The following CASP9 variants were observed in gnomAD, a reference collection of about 807,000 sequenced individuals.
The protein encoded by CASP9 is caspase-9.
CASP9 carries 29 observed loss-of-function variants against 43.5 expected under a neutral mutation model. The observed-to-expected ratio is 0.67, with a 90% CI of 0.50 to 0.91. The LOEUF (loss-of-function observed/expected upper bound fraction) is 0.91. Among genes scored for constraint, CASP9 ranks in the 40% least tolerant of loss-of-function variants. CASP9 has a pLI of 0.00. For missense variants in CASP9, 575 were observed against 537.4 expected (o/e 1.07, Z -0.69); for synonymous variants, 206 against 211.9 (o/e 0.97, Z 0.24).
intron 6 of CASP9, among the ~76,000 whole-genome samples, chr1:15,503,775 C>A (rs4646058): frequency 0.59 from 89,201 of 152,008 alleles, 26,835 homozygotes; most frequent in African/African-American, 0.71. Flanking sequence ...AGGCTGGAGG[C>A]AAGGAACTGA....
intron 1 of CASP9, among the ~76,000 whole-genome samples, chr1:15,521,312 C>T (rs1570878234): frequency 2.0e-5 from 3 of 151,322 alleles, no homozygotes; most frequent in Admixed American, 1.3e-4. Flanking sequence ...TCCTTGGAGG[C>T]GTCAGGGAGC....
Position 15,492,934 on chromosome 1 carries a change from G to T in CASP9, c.*9C>A. The stretch of plus-strand genomic sequence containing the variant: ...GGTGCAAGATAAGGCAGGGTGAGGG[G>T]CCCTGGCCTTATGATGTTTTAAAGA... On this transcript the variant is annotated 3_prime_UTR_variant, in exon 9 of 9. Coordinates refer to ENST00000333868, the MANE Select transcript of CASP9 (RefSeq NM_001229.5). The T allele has an allele frequency of 6.2e-7, 1 of 1,613,330 alleles. No individual in the cohort carries two copies.
chr1:15,506,988 T>G lies in CASP9; in HGVS notation c.541A>C (p.Thr181Pro), dbSNP rs767018392. The stretch of plus-strand genomic sequence containing the variant: ...TTCTCACAGTCGATGTTGGAGCCAG[T>G]GCGGGTGCGGAGCCCGGACTCACGG... ...FCRESGLRTR[T>P]GSNIDCEKLR... Residue 181 changes from threonine to proline, a missense_variant, in exon 4 of 9, where the codon ACT becomes CCT. Coordinates refer to ENST00000333868, the MANE Select transcript of CASP9 (RefSeq NM_001229.5). 3.1e-6 allele frequency: 5 copies of G among 1,614,034 alleles called. No homozygotes were observed. In the East Asian group the frequency reaches 8.9e-5, roughly 29 times the overall value.
At chr1:15,514,089 C>T (rs1291349958) in intron 2 of CASP9, among the ~76,000 whole-genome samples, 1 of 152,170 alleles carries the variant, frequency 6.6e-6, no homozygotes, top group East Asian at 1.9e-4. Context: ...TACTCAGCCC[C>T]ACCACACTAA....
At chr1:15,523,979 C>T (rs1367609614) in intron 1 of CASP9, 90 bp downstream of exon 1, 4 of 1,012,206 alleles carry the variant, frequency 4.0e-6, no homozygotes, top group Non-Finnish European at 5.6e-6. Context: ...GGTTTGAAGC[C>T]ACAGGGAAGG....
At chr1:15,497,565 C>G (rs1709151966) in intron 6 of CASP9, among the ~76,000 whole-genome samples, 1 of 151,590 alleles carries the variant, frequency 6.6e-6, no homozygotes, top group Admixed American at 6.6e-5. Flanking sequence ...ATTGCTTGAA[C>G]CAGGGAGTCA....
chr1:15,506,500 C>T (rs1174181001), intron 4 of CASP9, among the ~76,000 whole-genome samples: 3 of 151,824 alleles, frequency 2.0e-5, no homozygotes, highest in Non-Finnish European at 4.4e-5. Flanking sequence ...CCAACCCAAA[C>T]GCCTGGGCAG....
At chr1:15,500,933 C>T (rs531649605) in intron 6 of CASP9, among the ~76,000 whole-genome samples, 32 of 152,250 alleles carry the variant, frequency 2.1e-4, no homozygotes, top group African/African-American at 4.6e-4. Context: ...AAGGCAGCTC[C>T]GTTCACGTGT....
At chr1:15,518,874 GTTTT>G (rs67264894) in intron 1 of CASP9, among the ~76,000 whole-genome samples, 1 of 148,720 alleles carries the variant, frequency 6.7e-6, no homozygotes. Flanking sequence ...TTTTGTTTTT[GTTTT>G]TTTTTTTTTT....
intron 2 of CASP9, among the ~76,000 whole-genome samples, chr1:15,509,308 G>A (rs954233447): frequency 2.6e-5 from 4 of 152,028 alleles, no homozygotes; most frequent in East Asian, 3.9e-4. Context: ...ACTGATACAC[G>A]CAATGCGGGA....
intron 2 of CASP9, among the ~76,000 whole-genome samples, chr1:15,513,854 G>A (rs1194060815): frequency 6.6e-6 from 1 of 152,116 alleles, no homozygotes; most frequent in Non-Finnish European, 1.5e-5. Flanking sequence ...TGTCACAATG[G>A]GCAAGGAGCT....
intron 2 of CASP9, among the ~76,000 whole-genome samples, chr1:15,508,498 T>C (rs1009326106): frequency 6.6e-6 from 1 of 152,100 alleles, no homozygotes; most frequent in Admixed American, 6.6e-5. Flanking sequence ...CTGCAAACTC[T>C]ACCTCCCAGA....
At chr1:15,510,592 G>C (rs1709716612) in intron 2 of CASP9, among the ~76,000 whole-genome samples, 1 of 152,062 alleles carries the variant, frequency 6.6e-6, no homozygotes, top group South Asian at 2.1e-4. Context: ...GCTCTCAAGA[G>C]GCCAAGGGCT....
rs4646107 is a variant in CASP9 at position 15,491,484 on chromosome 1, G to T, written c.*1459C>A. The T allele has an allele frequency of 2.0e-4, 172 of 871,588 alleles. No individual in the cohort carries two copies. The African/African-American group carries it at 2.3e-3, about 12-fold the overall frequency. The allele number at this position is 871,588 out of a possible 1,614,324, so 54.0% of individuals were successfully genotyped here. ...CCTAAGAACCAGAAATAGGTCAGGC[G>T]CAATGGCTCAAGCCTGTAACCCCTG... is the stretch of plus-strand genomic sequence containing the variant. On this transcript the variant is annotated 3_prime_UTR_variant, in exon 9 of 9. Coordinates refer to ENST00000333868, the MANE Select transcript of CASP9 (RefSeq NM_001229.5).
At chr1:15,518,068 T>C in intron 2 of CASP9, 42 bp downstream of exon 2, 1 of 1,603,766 alleles carries the variant, frequency 6.2e-7, no homozygotes, top group South Asian at 1.1e-5. Context: ...CCCAAATGAC[T>C]ACGTGTCATG....
chr1:15,501,190 TC>T (rs1316600229), intron 6 of CASP9, among the ~76,000 whole-genome samples: 1 of 152,084 alleles, frequency 6.6e-6, no homozygotes, highest in Admixed American at 6.5e-5. Context: ...ATCTCTCAAA[TC>T]CCAAAGAGGG....
intron 8 of CASP9, 64 bp from the exon 9 acceptor site, chr1:15,493,099 G>C: frequency 6.2e-7 from 1 of 1,606,228 alleles, no homozygotes; most frequent in Non-Finnish European, 8.5e-7. Flanking sequence ...AAGAATTCAA[G>C]AGGGGCTGGG....
In CASP9 at chr1:15,518,201, C is replaced by T. The variant is rs746736191; in HGVS notation, c.327G>A (p.Val109=). 2.2e-5 allele frequency: 35 copies of T among 1,614,180 alleles called. No individual in the cohort carries two copies. The highest frequency in any genetic ancestry group is 3.0e-5 in the Non-Finnish European group (35 of 1,180,032). ...GTTTGCGAATCTCTGGTCTGAGCAC[C>T]ACTGGGGTAAGGTTTTCTAGGGTTG... ...SKPTLENLTP[V]VLRPEIRKPE... Residue 109 remains valine, a synonymous_variant, in exon 2 of 9, where the codon GTG becomes GTA. Transcript: ENST00000333868.
At chr1:15,496,872 A>T (rs1709121650) in intron 6 of CASP9, among the ~76,000 whole-genome samples, 1 of 151,900 alleles carries the variant, frequency 6.6e-6, no homozygotes, top group Non-Finnish European at 1.5e-5. Flanking sequence ...AAATTTAGCC[A>T]GGTGTGGTGG....
Sources: allele counts gnomAD v4.1 joint callset (sites outside exome capture counted in the v4.1 genomes callset), GRCh38; gene constraint gnomAD v4.1.1; transcripts MANE v1.5; gene names NCBI Gene and HGNC (gene_info 2026-07-23, HGNC 2026-07-21).